The following CMC2 variants were observed in gnomAD, a reference collection of about 807,000 sequenced individuals.
CMC2 encodes COX assembly mitochondrial protein 2 homolog.
A neutral mutation model predicts 7.5 loss-of-function variants in CMC2; 5 were observed. The observed-to-expected ratio is 0.66, with a 90% CI of 0.35 to 1.40. The LOEUF is 1.40. CMC2 is among the 40% of genes most tolerant of loss of function. The pLI is 0.04. For synonymous variants in CMC2, 37 were observed against 31.4 expected, an observed-to-expected ratio of 1.18 and a Z score of -0.60; for missense variants, 115 against 92.3, an observed-to-expected ratio of 1.25 and a Z score of -1.01.
intron 2 of CMC2, among the ~76,000 whole-genome samples, chr16:80,990,714 G>T (rs984706880): frequency 3.9e-5 from 6 of 151,930 alleles, no homozygotes; most frequent in South Asian, 2.1e-4. Context: ...TTGGTTCAAA[G>T]AAATTTTTTT....
Position 80,967,157 on chromosome 16 carries a change from G to A in CMC2, c.*8936C>T, listed in dbSNP as rs1911611274. 1.3e-5 allele frequency: 2 copies of A among 152,198 alleles called. No homozygotes were observed. Among genetic ancestry groups the A allele is most frequent in the Admixed American group, 1.3e-4 (2 of 15,270 alleles). The allele number at this position is 152,198 out of a possible 1,614,324, so 9.4% of individuals were successfully genotyped here. ...TAATGTGGTGTCTGCCCAGAGAGGT[G>A]TCAGCCCAGAGAGCTTTCAGTCTAC... On this transcript the variant is annotated 3_prime_UTR_variant, in exon 4 of 4. Coordinates refer to ENST00000219400, the MANE Select transcript of CMC2 (RefSeq NM_020188.5).
intron 2 of CMC2, among the ~76,000 whole-genome samples, chr16:80,984,777 T>C (rs1967395817): frequency 6.6e-6 from 1 of 152,236 alleles, no homozygotes; most frequent in Non-Finnish European, 1.5e-5. Flanking sequence ...ACATCTTAAT[T>C]CAAAAATCCA....
intron 2 of CMC2, chr16:80,991,714 T>C (rs533282398): frequency 3.7e-6 from 1 of 269,802 alleles, no homozygotes; most frequent in African/African-American, 2.3e-5. Context: ...CAGTGATAAA[T>C]TATGTTGTAG....
intron 2 of CMC2, among the ~76,000 whole-genome samples, chr16:80,987,715 G>A (rs1357948362): frequency 1.9e-4 from 29 of 152,164 alleles, no homozygotes; most frequent in Admixed American, 1.9e-3. Context: ...GCTATTTGGA[G>A]ATAAAACACT....
chr16:81,001,311 C>G (rs964788815), intron 1 of CMC2: 1 of 152,156 alleles, frequency 6.6e-6, no homozygotes, highest in East Asian at 1.9e-4. Flanking sequence ...TGTAAGAAAC[C>G]TGCACATTAC....
rs1383290368 is a variant in CMC2, at chr16:80,970,283, C to G, written c.*5810G>C. 4 of 152,144 alleles carry G rather than the reference C, an allele frequency of 2.6e-5. No homozygotes were observed. Among genetic ancestry groups the G allele is most frequent in the African/African-American group, 9.7e-5 (4 of 41,422 alleles). 9.4% of individuals were successfully genotyped at this position (152,144 alleles called of 1,614,324 possible). ...TCTCAATTTAAGTCAATTCCAAATC[C>G]AAATCTCACCGATTAATGGACATTA... On this transcript the variant is annotated 3_prime_UTR_variant, in exon 4 of 4. Coordinates refer to ENST00000219400, the MANE Select transcript of CMC2 (RefSeq NM_020188.5).
Position 80,974,801 on chromosome 16 carries a change from T to C in CMC2, c.*1292A>G, listed in dbSNP as rs888077433. ...ACTAGGGGGACTGAATAAATATTCA[T>C]ACACTTTGTCTTGGAAGGTACTTCA... is the stretch of plus-strand genomic sequence containing the variant. On this transcript the variant is annotated 3_prime_UTR_variant, in exon 4 of 4. Coordinates refer to ENST00000219400, the MANE Select transcript of CMC2 (RefSeq NM_020188.5). 7 of 152,266 alleles carry C rather than the reference T, an allele frequency of 4.6e-5. No homozygotes were observed. The highest frequency in any genetic ancestry group is 1.0e-4 in the Non-Finnish European group (7 of 68,036). 9.4% of individuals were successfully genotyped at this position (152,266 alleles called of 1,614,324 possible).
At chr16:80,991,386 G>A (rs1035541640) in intron 2 of CMC2, among the ~76,000 whole-genome samples, 3 of 152,158 alleles carry the variant, frequency 2.0e-5, no homozygotes, top group African/African-American at 7.2e-5. Context: ...TGTAATACCA[G>A]CACTTTGGTA....
At chr16:80,999,441 C>G (rs554028549) in intron 1 of CMC2, among the ~76,000 whole-genome samples, 2 of 152,152 alleles carry the variant, frequency 1.3e-5, no homozygotes, top group African/African-American at 2.4e-5. Context: ...AAAAACATTC[C>G]GTGCTCATGG....
Position 80,970,906 on chromosome 16 carries a change from A to T in CMC2, c.*5187T>A, listed in dbSNP as rs1293724804. 4 of 152,204 alleles carry T rather than the reference A, an allele frequency of 2.6e-5. No individual in the cohort carries two copies. Among genetic ancestry groups the T allele is most frequent in the African/African-American group, 9.6e-5 (4 of 41,460 alleles). 9.4% of individuals were successfully genotyped at this position (152,204 alleles called of 1,614,324 possible). On this transcript the variant is annotated 3_prime_UTR_variant, in exon 4 of 4. Transcript: ENST00000219400. ...TAGACACAAATCTAGCAAAAGATGT[A>T]TAAGAACACTATTTTAAAAATCATA...
In CMC2 at chr16:80,979,382, G is replaced by T. The variant is rs1439042187; in HGVS notation, c.153+2424C>A. ...CAAAATAAGAAAAATATCTCCAACG[G>T]TCTACCAAAAAGTCACTAACAGATC... is the stretch of plus-strand genomic sequence containing the variant. On this transcript the variant is annotated intron_variant, in intron 3 of 3. Coordinates refer to ENST00000219400, the MANE Select transcript of CMC2 (RefSeq NM_020188.5). Among the ~76,000 whole-genome samples the T allele has an allele frequency of 2.6e-5, 4 of 152,000 alleles. No homozygotes were observed. The Middle Eastern group carries it at 0.01, about 388-fold the overall frequency.
chr16:80,978,503 C>A, intron 3 of CMC2: 1 of 549,904 alleles, frequency 1.8e-6, no homozygotes, highest in South Asian at 1.7e-5. Context: ...CCAATTAACC[C>A]CAAACCAAAC....
rs1382426626 is a variant in CMC2, at chr16:81,006,770, G to A, written c.-72C>T. 7 of 985,586 alleles carry A rather than the reference G, an allele frequency of 7.1e-6. No homozygotes were observed. The highest frequency in any genetic ancestry group is 8.4e-6 in the Non-Finnish European group (7 of 830,158). 61.1% of individuals were successfully genotyped at this position (985,586 alleles called of 1,614,324 possible). A position where few individuals can be genotyped will look rare whatever the true frequency, so the allele number is the denominator to read the frequency against. On this transcript the variant is annotated 5_prime_UTR_variant, in exon 1 of 4. Transcript: ENST00000219400. Reference sequence around the variant, plus strand: ...CCACACCGGGAGAACTGAAGCGGCAGTAGCCGGCGGAGACGCCCGACCCGA... The same window carrying A: ...CCACACCGGGAGAACTGAAGCGGCAATAGCCGGCGGAGACGCCCGACCCGA...
chr16:80,979,643 G>C (rs756595860), intron 3 of CMC2, among the ~76,000 whole-genome samples: 1 of 151,684 alleles, frequency 6.6e-6, no homozygotes, highest in African/African-American at 2.4e-5. Context: ...TTTAGAGACA[G>C]AGTCTCTCAC....
chr16:80,988,380 G>A (rs571811271), intron 2 of CMC2, among the ~76,000 whole-genome samples: 1 of 152,252 alleles, frequency 6.6e-6, no homozygotes, highest in South Asian at 2.1e-4. Flanking sequence ...AAAAGTGCAA[G>A]TCTTCAGAAA....
chr16:81,004,250 G>C (rs1969075804), intron 1 of CMC2, among the ~76,000 whole-genome samples: 1 of 152,118 alleles, frequency 6.6e-6, no homozygotes. Flanking sequence ...AACATCAGCA[G>C]CATGGTGGAA....
Position 80,981,883 on chromosome 16 carries a change from A to T in CMC2, c.82-6T>A. On this transcript the variant is annotated splice_region_variant and splice_polypyrimidine_tract_variant and intron_variant, in intron 2 of 3. Coordinates refer to ENST00000219400, the MANE Select transcript of CMC2 (RefSeq NM_020188.5). ...AAAAATTTCAGAATGTTGTGCTAAA[A>T]GGAAGAAAAGGAGTAAAATATTTCA... is the stretch of plus-strand genomic sequence containing the variant. 6.3e-7 allele frequency: 1 copy of T among 1,586,038 alleles called. No individual in the cohort carries two copies.
chr16:80,967,823 G>A lies in CMC2; in HGVS notation c.*8270C>T, dbSNP rs1207050552. 2.0e-5 allele frequency: 3 copies of A among 152,122 alleles called. No homozygotes were observed. Among genetic ancestry groups the A allele is most frequent in the Non-Finnish European group, 4.4e-5 (3 of 68,002 alleles). The allele number at this position is 152,122 out of a possible 1,614,324, so 9.4% of individuals were successfully genotyped here. ...TAGCCCTCTACTCGCCAGAGTTGAG[G>A]AAAAAGTAAATGCCCTGAGAATTTC... On this transcript the variant is annotated 3_prime_UTR_variant, in exon 4 of 4. Transcript: ENST00000219400.
chr16:80,986,243 G>C (rs776877024), intron 2 of CMC2, among the ~76,000 whole-genome samples: 1 of 152,098 alleles, frequency 6.6e-6, no homozygotes, highest in African/African-American at 2.4e-5. Context: ...CCAGCTACTC[G>C]TGAGGCTGAG....
Sources: allele counts gnomAD v4.1 joint callset (sites outside exome capture counted in the v4.1 genomes callset), GRCh38; gene constraint gnomAD v4.1.1; transcripts MANE v1.5; gene names NCBI Gene and HGNC (gene_info 2026-07-23, HGNC 2026-07-21).